Variants in ITGA1 observed in about 807,000 individuals in gnomAD.
ITGA1 encodes integrin alpha-1.
Under a neutral mutation model 145.9 loss-of-function variants are expected in ITGA1, and 85 were observed. The ratio of observed to expected loss-of-function variants is 0.58; its 90% CI spans 0.49 to 0.70. The LOEUF is 0.70. Ranked by LOEUF, ITGA1 falls within the 30% of genes least tolerant of loss-of-function variation. ITGA1 has a pLI of 0.00. For synonymous variants in ITGA1, 520 were observed against 495.3 expected (o/e 1.05, Z -0.66); for missense variants, 1,351 against 1,418.7 (o/e 0.95, Z 0.77).
At chr5:52,915,844 C>T (rs10044595) in intron 15 of ITGA1, among the ~76,000 whole-genome samples, 3 of 152,112 alleles carry the variant, frequency 2.0e-5, no homozygotes, top group Non-Finnish European at 4.4e-5. Flanking sequence ...AATAGGTATT[C>T]TGTTTTAGGA....
At position 52,926,072 on chromosome 5, in the gene ITGA1, C is replaced by T. The variant is rs76861087; in HGVS notation, c.2613+585C>T. 1.3e-3 allele frequency among the ~76,000 whole-genome samples: 203 copies of T among 152,080 alleles called. 5 individuals are homozygous for T. The East Asian group carries it at 0.036, about 27-fold the overall frequency. On this transcript the variant is annotated intron_variant, in intron 19 of 28. Transcript: ENST00000282588. Reference sequence around the variant, plus strand: ...TCTTAATTCTGATCTCCAAATGAATCCCACTGAGTTAAAATTTTGTGTATA... The same window carrying T: ...TCTTAATTCTGATCTCCAAATGAATTCCACTGAGTTAAAATTTTGTGTATA...
At chr5:52,795,673 C>T (rs961609043) in intron 1 of ITGA1, among the ~76,000 whole-genome samples, 4 of 151,834 alleles carry the variant, frequency 2.6e-5, no homozygotes, top group Non-Finnish European at 5.9e-5. Context: ...TAATTATGAT[C>T]ATGTTAAAAT....
At chr5:52,791,707 A>G (rs1748245018) in intron 1 of ITGA1, among the ~76,000 whole-genome samples, 1 of 149,614 alleles carries the variant, frequency 6.7e-6, no homozygotes, top group South Asian at 2.1e-4. Flanking sequence ...AATTGATCAC[A>G]AGCAGTCACA....
Position 52,815,966 on chromosome 5 carries a change from A to G in ITGA1, c.61+27552A>G, listed in dbSNP as rs540708234. ...TCACAAAAACTCCTTGATGACATGA[A>G]TAACATACAGCAGGGAGACAGTAGT... On this transcript the variant is annotated intron_variant, in intron 1 of 28. Transcript: ENST00000282588. Among the ~76,000 whole-genome samples, 16 of 152,318 alleles carry G rather than the reference A, an allele frequency of 1.1e-4. No homozygotes were observed. In the South Asian group the frequency reaches 1.7e-3, roughly 16 times the overall value.
intron 11 of ITGA1, among the ~76,000 whole-genome samples, chr5:52,899,253 G>A (rs1051306059): frequency 3.9e-5 from 6 of 152,248 alleles, no homozygotes; most frequent in African/African-American, 7.2e-5. Context: ...TTTCTGTCCC[G>A]GAGACAAGTC....
rs950458754 is a variant in ITGA1 at position 52,958,038 on chromosome 5, C to T, written c.*5587C>T. The T allele has an allele frequency of 6.6e-6, 1 of 152,108 alleles. No individual in the cohort carries two copies. Among genetic ancestry groups the T allele is most frequent in the African/African-American group, 2.4e-5 (1 of 41,438 alleles). 9.4% of individuals were successfully genotyped at this position (152,108 alleles called of 1,614,324 possible). A position where few individuals can be genotyped will look rare whatever the true frequency, so the allele number is the denominator to read the frequency against. On this transcript the variant is annotated 3_prime_UTR_variant, in exon 29 of 29. Transcript: ENST00000282588. ...AGCCAGTTGTGGTCTTGAAAAATCT[C>T]TCTATTGCATTACTTATCCTCACCC...
In ITGA1 at chr5:52,849,501, T is replaced by C; in HGVS notation, c.182+16T>C. The C allele has an allele frequency of 6.3e-7, 1 of 1,576,544 alleles. No homozygotes were observed. Among genetic ancestry groups the C allele is most frequent in the Non-Finnish European group, 8.7e-7 (1 of 1,155,822 alleles). Reference sequence around the variant, plus strand: ...AAGGAAAATGGTAAGCCAGTGGGTTTTGTTGTTGTTATTTACTTATTTCAC... The same window carrying C: ...AAGGAAAATGGTAAGCCAGTGGGTTCTGTTGTTGTTATTTACTTATTTCAC... On this transcript the variant is annotated intron_variant, in intron 2 of 28. Coordinates refer to ENST00000282588, the MANE Select transcript of ITGA1 (RefSeq NM_181501.2).
At chr5:52,792,183 C>T (rs980040825) in intron 1 of ITGA1, among the ~76,000 whole-genome samples, 4 of 152,114 alleles carry the variant, frequency 2.6e-5, no homozygotes, top group Non-Finnish European at 5.9e-5. Context: ...TCCCTAGAAA[C>T]ATTTTGGTTG....
chr5:52,888,862 G>T (rs935349640), intron 8 of ITGA1, among the ~76,000 whole-genome samples: 3 of 152,224 alleles, frequency 2.0e-5, no homozygotes, highest in African/African-American at 7.2e-5. Context: ...GAGGACAGGG[G>T]CAAAGTGGCT....
At position 52,952,393 on chromosome 5, in the gene ITGA1, T is replaced by A; in HGVS notation, c.3496-14T>A. ...AAATAGTTAATTGTGTTATGTTTTG[T>A]GTTTTCTCAACAGATTGGATTCTTC... On this transcript the variant is annotated splice_polypyrimidine_tract_variant and intron_variant, in intron 28 of 28. Coordinates refer to ENST00000282588, the MANE Select transcript of ITGA1 (RefSeq NM_181501.2). 7.2e-7 allele frequency: 1 copy of A among 1,391,618 alleles called. No individual in the cohort carries two copies. Among genetic ancestry groups the A allele is most frequent in the Non-Finnish European group, 9.8e-7 (1 of 1,019,950 alleles). 86.2% of individuals were successfully genotyped at this position (1,391,618 alleles called of 1,614,324 possible).
intron 6 of ITGA1, chr5:52,867,122 A>C (rs1461135528): frequency 6.6e-6 from 1 of 151,980 alleles, no homozygotes; most frequent in African/African-American, 2.4e-5. Context: ...TAAATTTGGA[A>C]CATAATATGT....
At chr5:52,831,100 A>G (rs769105794) in intron 1 of ITGA1, among the ~76,000 whole-genome samples, 4 of 151,948 alleles carry the variant, frequency 2.6e-5, no homozygotes, top group Non-Finnish European at 4.4e-5. Flanking sequence ...TTTTTTACAT[A>G]GGAATCACCT....
At chr5:52,836,977 C>A (rs1749171089) in intron 1 of ITGA1, among the ~76,000 whole-genome samples, 1 of 152,102 alleles carries the variant, frequency 6.6e-6, no homozygotes, top group Non-Finnish European at 1.5e-5. Context: ...AATAATATAT[C>A]AAATAGCAAT....
At chr5:52,845,722 C>CTATAGTATAAAG (rs1229104776) in intron 1 of ITGA1, among the ~76,000 whole-genome samples, 14 of 152,134 alleles carry the variant, frequency 9.2e-5, no homozygotes, top group African/African-American at 3.1e-4. Flanking sequence ...GCTAAACACT[C>CTATAGTATAAAG]TATAGTATAA....
At chr5:52,839,660 T>C (rs563042710) in intron 1 of ITGA1, among the ~76,000 whole-genome samples, 28 of 152,342 alleles carry the variant, frequency 1.8e-4, no homozygotes, top group African/African-American at 6.5e-4. Flanking sequence ...CAGTAAGATA[T>C]GTGAGCTGGC....
At chr5:52,825,432 G>A (rs930366591) in intron 1 of ITGA1, among the ~76,000 whole-genome samples, 19 of 152,030 alleles carry the variant, frequency 1.2e-4, no homozygotes, top group Non-Finnish European at 1.0e-4. Flanking sequence ...GGTAATTCTC[G>A]CAATTTCAAA....
intron 1 of ITGA1, among the ~76,000 whole-genome samples, chr5:52,839,148 A>T (rs1749211848): frequency 6.6e-6 from 1 of 152,122 alleles, no homozygotes; most frequent in Admixed American, 6.6e-5. Context: ...ACATAATTTA[A>T]TAGATTTTTT....
chr5:52,885,391 A>G (rs577106568), intron 7 of ITGA1, among the ~76,000 whole-genome samples: 14 of 152,278 alleles, frequency 9.2e-5, no homozygotes, highest in African/African-American at 3.4e-4. Context: ...AGAACAAAAG[A>G]TACTCCTATC....
chr5:52,798,513 G>A (rs1748390365), intron 1 of ITGA1, among the ~76,000 whole-genome samples: 1 of 152,088 alleles, frequency 6.6e-6, no homozygotes. Flanking sequence ...GGACGTGCGC[G>A]GGGAAGACAG....
Sources: allele counts gnomAD v4.1 joint callset (sites outside exome capture counted in the v4.1 genomes callset), GRCh38; gene constraint gnomAD v4.1.1; transcripts MANE v1.5; gene names NCBI Gene and HGNC (gene_info 2026-07-23, HGNC 2026-07-21).